EIF2D: variants seen among roughly 807,000 people sequenced by gnomAD.
EIF2D encodes hepatocellular carcinoma-associated antigen 56.
A neutral mutation model predicts 77.4 loss-of-function variants in EIF2D; 56 were observed. That is an observed-to-expected ratio of 0.72 (90% CI 0.58 to 0.90). The LOEUF (loss-of-function observed/expected upper bound fraction) is 0.90, where lower values mean the gene tolerates loss of function less well. EIF2D is among the 40% of genes least tolerant of loss of function. The pLI, the probability that EIF2D is intolerant of heterozygous loss-of-function variation, is 0.00. For synonymous variants in EIF2D, 230 were observed against 271.0 expected, an observed-to-expected ratio of 0.85 and a Z score of 1.49; for missense variants, 574 against 706.5, an observed-to-expected ratio of 0.81 and a Z score of 2.13.
downstream of EIF2D, among the ~76,000 whole-genome samples, chr1:206,569,271 TGG>T (rs1271661351): frequency 1.3e-5 from 2 of 152,224 alleles, no homozygotes; most frequent in Admixed American, 1.3e-4. Flanking sequence ...AGAAAGACTG[TGG>T]GCTCAGAGCA....
intron 13 of EIF2D, 108 bp from the exon 14 acceptor site, chr1:206,593,901 G>C (rs1368359872): frequency 6.2e-6 from 6 of 970,812 alleles, no homozygotes; most frequent in Non-Finnish European, 7.5e-6. Context: ...TTCTCTGATG[G>C]TTCACCATTC....
rs782797227 is a variant in EIF2D, at chr1:206,583,348, C to T, written c.139-2186G>A. 3.3e-5 allele frequency: 53 copies of T among 1,613,690 alleles called. No individual in the cohort carries two copies. Among genetic ancestry groups the T allele is most frequent in the South Asian group, 2.3e-4 (21 of 91,082 alleles). On this transcript the variant is annotated intron_variant and NMD_transcript_variant, in intron 2 of 5. Coordinates refer to the EIF2D transcript ENST00000472709. ...AAGCAGAAGATCGACAGCTACAACA[C>T]GCGAGAGAAGAACTGCCTGGGCATG...
intron 2 of EIF2D, chr1:206,581,239 G>A (rs1668860561): frequency 1.3e-5 from 2 of 152,294 alleles, no homozygotes; most frequent in African/African-American, 4.8e-5. Flanking sequence ...TTATTAATAG[G>A]TCAGGACCCC....
At chr1:206,577,038 T>C (rs1017555549) in intron 4 of EIF2D, among the ~76,000 whole-genome samples, 8 of 151,558 alleles carry the variant, frequency 5.3e-5, no homozygotes, top group African/African-American at 1.7e-4. Flanking sequence ...CTCGAACTCC[T>C]GGGCTCAAGC....
chr1:206,594,214 C>G (rs1669527007), intron 13 of EIF2D: 1 of 152,834 alleles, frequency 6.5e-6, no homozygotes, highest in Admixed American at 6.5e-5. Flanking sequence ...GCAAACCTCC[C>G]CAGACATCAG....
chr1:206,584,397 G>A lies in EIF2D; in HGVS notation c.139-3235C>T. 1 of 1,612,018 alleles carries A rather than the reference G, an allele frequency of 6.2e-7. No homozygotes were observed. Among genetic ancestry groups the A allele is most frequent in the Non-Finnish European group, 8.5e-7 (1 of 1,178,654 alleles). On this transcript the variant is annotated intron_variant and NMD_transcript_variant, in intron 2 of 5. Transcript: ENST00000472709. The surrounding 1 kb of genome is among the most constrained non-coding windows in gnomAD (Gnocchi z 4.9). Reference sequence around the variant, plus strand: ...TGCCCCCGCTGGCAGAGTGAAGACGGCACCTACACGGGTTTCATCAAAGTG... The same window carrying A: ...TGCCCCCGCTGGCAGAGTGAAGACGACACCTACACGGGTTTCATCAAAGTG...
downstream of EIF2D, chr1:206,587,199 T>G: frequency 5.6e-6 from 3 of 534,422 alleles, no homozygotes; most frequent in Non-Finnish European, 1.0e-5. Flanking sequence ...CTGCCAAGGA[T>G]CAGAACTCAT....
chr1:206,581,657 A>AAAGG (rs782796345), intron 2 of EIF2D, among the ~76,000 whole-genome samples: 4 of 149,100 alleles, frequency 2.7e-5, no homozygotes, highest in East Asian at 1.9e-4. Context: ...GAGAGAAAGA[A>AAAGG]AAGGAAGGAA....
In EIF2D at chr1:206,591,705, A is replaced by G; in HGVS notation, c.*70T>C. On this transcript the variant is annotated 3_prime_UTR_variant, in exon 15 of 15. Coordinates refer to ENST00000271764, the MANE Select transcript of EIF2D (RefSeq NM_006893.3). Reference sequence around the variant, plus strand: ...TATTTTGTATTTGCAAAAGCTGAAAATGCTCATAAAAATTACCAGCCCAGA... The same window carrying G: ...TATTTTGTATTTGCAAAAGCTGAAAGTGCTCATAAAAATTACCAGCCCAGA... 1.5e-6 allele frequency: 2 copies of G among 1,355,134 alleles called. No homozygotes were observed. Among genetic ancestry groups the G allele is most frequent in the Non-Finnish European group, 2.1e-6 (2 of 954,036 alleles). 83.9% of individuals were successfully genotyped at this position (1,355,134 alleles called of 1,614,324 possible).
At chr1:206,573,269 C>T (rs1467847062) in intron 4 of EIF2D, among the ~76,000 whole-genome samples, 1 of 151,992 alleles carries the variant, frequency 6.6e-6, no homozygotes, top group Admixed American at 6.5e-5. Flanking sequence ...ACATCAATCC[C>T]GTGAGGCAAT....
chr1:206,599,718 G>A lies in EIF2D; in HGVS notation c.1052+15C>T. 1.9e-6 allele frequency: 3 copies of A among 1,613,934 alleles called. No individual in the cohort carries two copies. The highest frequency in any genetic ancestry group is 2.5e-6 in the Non-Finnish European group (3 of 1,179,852). On this transcript the variant is annotated intron_variant, in intron 9 of 14. Transcript: ENST00000271764. This position sits in a 1 kb window ranked among gnomAD's most constrained non-coding sequence, Gnocchi z 4.1. ...GGGGCCAGCTGGGCTACAGTGACAG[G>A]CCCCCTGCACTCACCTCGGGTGTTT...
intron 6 of EIF2D, 63 bp from the exon 7 acceptor site, chr1:206,602,516 A>C (rs973473372): frequency 4.9e-6 from 7 of 1,436,230 alleles, no homozygotes; most frequent in Non-Finnish European, 9.8e-7. Flanking sequence ...GTACAAGAAA[A>C]CGACCCCCAG....
At chr1:206,576,243 C>T (rs1553405174) in intron 4 of EIF2D, among the ~76,000 whole-genome samples, 1 of 152,208 alleles carries the variant, frequency 6.6e-6, no homozygotes, top group Non-Finnish European at 1.5e-5. Flanking sequence ...ATGGATTTAA[C>T]ATTAGCCAGC....
At chr1:206,578,232 AAGTGTGTGTGTGTGTGTGT>A (rs1159827248) in intron 4 of EIF2D, among the ~76,000 whole-genome samples, 1 of 130,422 alleles carries the variant, frequency 7.7e-6, no homozygotes, top group Non-Finnish European at 1.6e-5. Context: ...CAAAAAAAAA[AAGTGTGTGTGTGTGTGTGT>A]GTGTGTGTGT....
chr1:206,584,466 G>C lies in EIF2D; in HGVS notation c.139-3304C>G, dbSNP rs782470099. ...CCTGTGACGGTGCCTGCTGGGATCC[G>C]GCCCCAGTCCATCTATGATGCCATC... On this transcript the variant is annotated intron_variant and NMD_transcript_variant, in intron 2 of 5. Transcript: ENST00000472709. This position sits in a 1 kb window ranked among gnomAD's most constrained non-coding sequence, Gnocchi z 4.9. 2.5e-6 allele frequency: 4 copies of C among 1,614,144 alleles called. No individual in the cohort carries two copies. Among genetic ancestry groups the C allele is most frequent in the South Asian group, 1.1e-5 (1 of 91,070 alleles).
downstream of EIF2D, among the ~76,000 whole-genome samples, chr1:206,590,767 T>C (rs944842479): frequency 2.6e-5 from 4 of 152,180 alleles, no homozygotes; most frequent in Admixed American, 2.6e-4. Flanking sequence ...GCCTTTCTTA[T>C]CTCAGTTTGA....
downstream of EIF2D, chr1:206,586,747 C>A: frequency 9.3e-7 from 1 of 1,073,596 alleles, no homozygotes; most frequent in Non-Finnish European, 1.4e-6. Context: ...GGGAAGGCAG[C>A]AGGGTCTCTC....
chr1:206,601,774 T>C (rs1392922028), intron 7 of EIF2D: 2 of 152,760 alleles, frequency 1.3e-5, no homozygotes, highest in East Asian at 3.9e-4. Flanking sequence ...CCTGGAGACC[T>C]AGCAGTTGAG....
At chr1:206,583,245 C>A (rs781907207) in intron 2 of EIF2D, 28 of 1,495,340 alleles carry the variant, frequency 1.9e-5, no homozygotes, top group Non-Finnish European at 1.7e-5. Flanking sequence ...TACACATCCA[C>A]CTCCACTTCT....
Sources: gnomAD v4.1 joint callset for allele counts (sites outside exome capture counted in the v4.1 genomes callset) on GRCh38, gnomAD v4.1.1 for gene constraint, Gnocchi (gnomAD v3.1) non-coding constraint, MANE v1.5 for transcripts, NCBI Gene and HGNC (gene_info 2026-07-23, HGNC 2026-07-21) for gene names.